TMEM30A: variants seen among roughly 807,000 people sequenced by gnomAD.
TMEM30A encodes the protein cell division cycle 50 P4-ATPase accessory subunit A, also known as cell cycle control protein 50A.
Under a neutral mutation model 38.2 loss-of-function variants are expected in TMEM30A, and 24 were observed. The observed-to-expected ratio is 0.63, with a 90% CI of 0.46 to 0.88. TMEM30A has a LOEUF of 0.88. Ranked by LOEUF, TMEM30A falls within the 40% of genes least tolerant of loss-of-function variation. The pLI is 0.00. For missense variants in TMEM30A, 370 were observed against 458.6 expected, an observed-to-expected ratio of 0.81 and a Z score of 1.77; for synonymous variants, 145 against 161.6, an observed-to-expected ratio of 0.90 and a Z score of 0.78.
chr6:75,257,718 G>T (rs1771887963), intron 6 of TMEM30A, among the ~76,000 whole-genome samples: 1 of 152,090 alleles, frequency 6.6e-6, no homozygotes, highest in Admixed American at 6.6e-5. Context: ...GTATTCAGGT[G>T]CAACATCAAG....
At chr6:75,261,825 G>A (rs1480060211) in intron 3 of TMEM30A, among the ~76,000 whole-genome samples, 1 of 152,180 alleles carries the variant, frequency 6.6e-6, no homozygotes, top group East Asian at 1.9e-4. Flanking sequence ...TAAGGCTAAG[G>A]AAGTCTGTGG....
chr6:75,267,632 A>C lies in TMEM30A; in HGVS notation c.345+9T>G, dbSNP rs750523716. The C allele has an allele frequency of 2.5e-6, 4 of 1,590,992 alleles. No individual in the cohort carries two copies. The East Asian group carries it at 6.7e-5, about 27-fold the overall frequency. On this transcript the variant is annotated intron_variant, in intron 2 of 6. Transcript: ENST00000230461. ...TGGCTTTTCTAGCACATTACTTGGAAACACAGACCTCAAATGACTTTTCCA... is the reference window on the plus strand; with the variant it reads ...TGGCTTTTCTAGCACATTACTTGGACACACAGACCTCAAATGACTTTTCCA...
intron 1 of TMEM30A, among the ~76,000 whole-genome samples, chr6:75,283,744 T>G (rs545637972): frequency 1.3e-5 from 2 of 152,074 alleles, no homozygotes; most frequent in African/African-American, 4.8e-5. Flanking sequence ...AAAACCAGAA[T>G]TGAAGTTTCA....
intron 3 of TMEM30A, among the ~76,000 whole-genome samples, chr6:75,263,870 T>C (rs1772015863): frequency 6.6e-6 from 1 of 152,200 alleles, no homozygotes; most frequent in Non-Finnish European, 1.5e-5. Flanking sequence ...CAGTTTCAGT[T>C]TTCTTTACCC....
rs941972903 is a variant in TMEM30A, at chr6:75,267,735, C to A, written c.251G>T (p.Gly84Val). The change falls in exon 2 of 7, where the codon GGA becomes GTA. Residue 84 changes from glycine to valine, a missense_variant. Physicochemically the swap from Gly to Val is moderately radical, Grantham distance 109. Coordinates refer to ENST00000230461, the MANE Select transcript of TMEM30A (RefSeq NM_018247.4). ...NIREIEIDYTGTEPSSPCNKC... is the reference protein window; with the variant it reads ...NIREIEIDYTVTEPSSPCNKC... ...ATTACAGGGACTGGAAGGCTCTGTT[C>A]CGGTATAATCAATCTGCAAGAGAAA... 6.3e-7 allele frequency: 1 copy of A among 1,597,728 alleles called. No homozygotes were observed. The highest frequency in any genetic ancestry group is 8.5e-7 in the Non-Finnish European group (1 of 1,172,244).
intron 1 of TMEM30A, among the ~76,000 whole-genome samples, chr6:75,279,830 G>A (rs1487563495): frequency 2.0e-5 from 3 of 152,004 alleles, no homozygotes; most frequent in Non-Finnish European, 4.4e-5. Flanking sequence ...GAAAACGACT[G>A]GAAAACTTCC....
Position 75,267,747 on chromosome 6 carries a change from A to G in TMEM30A, c.239T>C (p.Ile80Thr). ...GGAAGGCTCTGTTCCGGTATAATCA[A>G]TCTGCAAGAGAAAAATATAACTAAG... ...VTSNNIREIE[I>T]DYTGTEPSSP... is the part of the protein sequence containing the mutation. The change falls in exon 2 of 7, where the codon ATT becomes ACT. Residue 80 changes from isoleucine to threonine, a missense_variant and splice_region_variant. Coordinates refer to ENST00000230461, the MANE Select transcript of TMEM30A (RefSeq NM_018247.4). 1 of 1,587,676 alleles carries G rather than the reference A, an allele frequency of 6.3e-7. No homozygotes were observed. The highest frequency in any genetic ancestry group is 8.6e-7 in the Non-Finnish European group (1 of 1,167,134).
chr6:75,267,065 G>C (rs1235754126), intron 2 of TMEM30A, among the ~76,000 whole-genome samples: 1 of 152,170 alleles, frequency 6.6e-6, no homozygotes, highest in African/African-American at 2.4e-5. Flanking sequence ...GGAGAATACA[G>C]AGTGGTCTTT....
At position 75,253,030 on chromosome 6, in the gene TMEM30A, A is replaced by G. The variant is rs1210435206; in HGVS notation, c.*3072T>C. On this transcript the variant is annotated 3_prime_UTR_variant, in exon 7 of 7. Transcript: ENST00000230461. ...ATGGGATAAAAAGGGGTTCTAAAAC[A>G]CTTTACTAGATCATCCAAACCCTAC... 1 of 152,040 alleles carries G rather than the reference A, an allele frequency of 6.6e-6. No individual in the cohort carries two copies. The highest frequency in any genetic ancestry group is 2.4e-5 in the African/African-American group (1 of 41,392). 9.4% of individuals were successfully genotyped at this position (152,040 alleles called of 1,614,324 possible). A position where few individuals can be genotyped will look rare whatever the true frequency, so the allele number is the denominator to read the frequency against.
At chr6:75,275,286 C>T (rs1314898890) in intron 1 of TMEM30A, among the ~76,000 whole-genome samples, 1 of 152,062 alleles carries the variant, frequency 6.6e-6, no homozygotes, top group African/African-American at 2.4e-5. Context: ...CTTTATACAC[C>T]ATCTATGCTA....
chr6:75,272,698 G>C (rs1469325781), intron 1 of TMEM30A: 1 of 152,192 alleles, frequency 6.6e-6, no homozygotes, highest in African/African-American at 2.4e-5. Context: ...TCTCTATGCT[G>C]ACTTTTCTTC....
chr6:75,282,484 C>G (rs555755796), intron 1 of TMEM30A, among the ~76,000 whole-genome samples: 1 of 152,158 alleles, frequency 6.6e-6, no homozygotes, highest in East Asian at 1.9e-4. Flanking sequence ...ATATACAATT[C>G]CAAATTATTG....
intron 3 of TMEM30A, among the ~76,000 whole-genome samples, chr6:75,263,197 A>C (rs575315178): frequency 2.9e-4 from 44 of 152,330 alleles, no homozygotes; most frequent in Admixed American, 9.8e-4. Flanking sequence ...AGCAAAGAGA[A>C]CACCACATGC....
At chr6:75,273,768 T>A (rs529502207) in intron 1 of TMEM30A, among the ~76,000 whole-genome samples, 2 of 152,242 alleles carry the variant, frequency 1.3e-5, no homozygotes, top group African/African-American at 4.8e-5. Context: ...ATCACAGTTA[T>A]ACAAGTTTGA....
Position 75,258,865 on chromosome 6 carries a change from A to T in TMEM30A, c.807T>A (p.Phe269Leu), listed in dbSNP as rs780736601. Residue 269 changes from phenylalanine to leucine, a missense_variant, in exon 6 of 7, where the codon TTT (phenylalanine) becomes TTA (leucine). Physicochemically the swap from Phe to Leu is conservative, Grantham distance 22 (BLOSUM62 0). Coordinates refer to ENST00000230461, the MANE Select transcript of TMEM30A (RefSeq NM_018247.4). ...VWMRTAALPT[F>L]RKLYRLIERK... ...TTTCTATAAGACGATACAACTTGCGAAAAGTAGGTAATGCTGCAGTACGCA... is the reference window on the plus strand; with the variant it reads ...TTTCTATAAGACGATACAACTTGCGTAAAGTAGGTAATGCTGCAGTACGCA... 1.9e-6 allele frequency: 3 copies of T among 1,614,026 alleles called. No individual in the cohort carries two copies. Among genetic ancestry groups the T allele is most frequent in the Non-Finnish European group, 2.5e-6 (3 of 1,179,928 alleles).
chr6:75,263,243 T>A (rs1459260924), intron 3 of TMEM30A, among the ~76,000 whole-genome samples: 2 of 152,088 alleles, frequency 1.3e-5, no homozygotes, highest in African/African-American at 4.8e-5. Flanking sequence ...AAGGTAATGG[T>A]GAATGTAGCT....
chr6:75,260,936 G>A (rs1275996323), intron 3 of TMEM30A, 25 bp from the exon 4 acceptor site: 2 of 1,529,846 alleles, frequency 1.3e-6, no homozygotes, highest in Non-Finnish European at 1.8e-6. Context: ...GAAAAGAAGA[G>A]AGAAATTATT....
At chr6:75,260,181 G>A (rs570924166) in intron 4 of TMEM30A, among the ~76,000 whole-genome samples, 2 of 152,136 alleles carry the variant, frequency 1.3e-5, no homozygotes, top group South Asian at 2.1e-4. Context: ...CGAAGTGGGC[G>A]GATCACGAGG....
In TMEM30A at chr6:75,253,666, T is replaced by C. The variant is rs1771820826; in HGVS notation, c.*2436A>G. ...GACATACTAACCAAATATTATCATTTAATAAAATCAACGTTACAAAGAAAC... is the reference window on the plus strand; with the variant it reads ...GACATACTAACCAAATATTATCATTCAATAAAATCAACGTTACAAAGAAAC... On this transcript the variant is annotated 3_prime_UTR_variant, in exon 7 of 7. Coordinates refer to ENST00000230461, the MANE Select transcript of TMEM30A (RefSeq NM_018247.4). 1 of 152,576 alleles carries C rather than the reference T, an allele frequency of 6.6e-6. No homozygotes were observed. Among genetic ancestry groups the C allele is most frequent in the African/African-American group, 2.4e-5 (1 of 41,436 alleles). The allele number at this position is 152,576 out of a possible 1,614,324, so 9.5% of individuals were successfully genotyped here.
Sources: allele counts gnomAD v4.1 joint callset (sites outside exome capture counted in the v4.1 genomes callset), GRCh38; gene constraint gnomAD v4.1.1; transcripts MANE v1.5; gene names NCBI Gene and HGNC (gene_info 2026-07-23, HGNC 2026-07-21).